Variants in SPNS3 observed in about 807,000 individuals in gnomAD.
SPNS3 encodes SPNS lysolipid transporter 3, sphingosine-1-phosphate (putative).
Under a neutral mutation model 54.4 loss-of-function variants are expected in SPNS3, and 51 were observed. The ratio of observed to expected loss-of-function variants is 0.94; its 90% confidence interval spans 0.75 to 1.18. SPNS3 has a LOEUF of 1.18. Ranked by LOEUF, SPNS3 falls within the 50% of genes most tolerant of loss-of-function variation. The pLI, the probability that SPNS3 is intolerant of heterozygous loss-of-function variation, is 0.00. For synonymous variants in SPNS3, 309 were observed against 294.7 expected (o/e 1.05, Z -0.50); for missense variants, 669 against 677.4 (o/e 0.99, Z 0.14).
chr17:4,475,098 G>A (rs1406521999), intron 8 of SPNS3, among the ~76,000 whole-genome samples: 1 of 151,498 alleles, frequency 6.6e-6, no homozygotes, highest in Non-Finnish European at 1.5e-5. Context: ...TCTGTGGCCG[G>A]GGATGACTAA....
At chr17:4,467,025 G>A (rs1490858328) in intron 8 of SPNS3, among the ~76,000 whole-genome samples, 1 of 152,054 alleles carries the variant, frequency 6.6e-6, no homozygotes, top group Non-Finnish European at 1.5e-5. Flanking sequence ...GGGGTGGAGC[G>A]GGGAAGCGCA....
At chr17:4,458,069 G>A (rs539937693) in intron 8 of SPNS3, among the ~76,000 whole-genome samples, 16 of 151,918 alleles carry the variant, frequency 1.1e-4, no homozygotes, top group African/African-American at 3.4e-4. Context: ...TCTGACCTGA[G>A]ATTCAGGCTC....
At chr17:4,443,854 A>C (rs1161096540) in intron 2 of SPNS3, among the ~76,000 whole-genome samples, 3 of 152,256 alleles carry the variant, frequency 2.0e-5, no homozygotes, top group Non-Finnish European at 4.4e-5. Context: ...TAACCCCAGC[A>C]CTTTAGGAGG....
At chr17:4,464,872 G>A (rs1287895704) in intron 8 of SPNS3, among the ~76,000 whole-genome samples, 1 of 151,900 alleles carries the variant, frequency 6.6e-6, no homozygotes, top group East Asian at 1.9e-4. Flanking sequence ...GTAGAGATGG[G>A]GTTTCACCAT....
intron 8 of SPNS3, among the ~76,000 whole-genome samples, chr17:4,459,924 G>A (rs1567564707): frequency 6.6e-6 from 1 of 152,146 alleles, no homozygotes; most frequent in African/African-American, 2.4e-5. Context: ...GAAATAGGGA[G>A]AGTGTGAGTA....
In SPNS3 at chr17:4,448,242, GA is replaced by G; in HGVS notation, c.710del (p.Glu237GlyfsTer31). On this transcript the variant is annotated frameshift_variant, in exon 6 of 12. Transcript: ENST00000355530. LOFTEE classifies it high-confidence loss of function. ...CCGGGGAGCTGCCGAGACACAGGGGGAGGGGGCCGTGGGAGGCTTCAGGAGC... is the reference window on the plus strand; with the variant it reads ...CCGGGGAGCTGCCGAGACACAGGGGGGGGGGCCGTGGGAGGCTTCAGGAGC... ...PPRGAAETQG[E>X]GAVGGFRSSW... is the part of the protein sequence containing the mutation. 1 of 1,600,844 alleles carries G rather than the reference GA, an allele frequency of 6.2e-7. No homozygotes were observed. Among genetic ancestry groups the G allele is most frequent in the Admixed American group, 1.8e-5 (1 of 56,930 alleles).
At chr17:4,463,403 A>AC (rs1343381952) in intron 8 of SPNS3, among the ~76,000 whole-genome samples, 5 of 136,846 alleles carry the variant, frequency 3.7e-5, no homozygotes, top group African/African-American at 9.4e-5. Flanking sequence ...TCTCAAAAAA[A>AC]AAAAAAAACA....
At chr17:4,468,757 CTTTCTCTCTTTCTT>C (rs1265144020) in intron 8 of SPNS3, among the ~76,000 whole-genome samples, 1 of 140,342 alleles carries the variant, frequency 7.1e-6, no homozygotes, top group African/African-American at 2.9e-5. Flanking sequence ...TTCTTTCTTT[CTTTCTCTCTTTCTT>C]TTTCTTTCTT....
rs1413694695 is a variant in SPNS3, at chr17:4,458,588, C to CCTTCCTTTCTTTCTTTCTTT, written c.1113+5386_1113+5387insCCTTTCTTTCTTTCTTTCTT. ...TCCCTCCTTTCTTTCTTCCTTCCCT[C>CCTTCCTTTCTTTCTTTCTTT]CTTTCTTTCTTTCTTTCTTTCTTTC... On this transcript the variant is annotated intron_variant, in intron 8 of 11. Coordinates refer to ENST00000355530, the MANE Select transcript of SPNS3 (RefSeq NM_182538.5). Among the ~76,000 whole-genome samples, 244 of 59,310 alleles carry CCTTCCTTTCTTTCTTTCTTT rather than the reference C, an allele frequency of 4.1e-3. 11 individuals carry two copies. Among genetic ancestry groups the CCTTCCTTTCTTTCTTTCTTT allele is most frequent in the South Asian group, 5.4e-3 (8 of 1,474 alleles). The allele number at this position is 59,310 out of a possible 152,430, so 38.9% of individuals were successfully genotyped here. A position where few individuals can be genotyped will look rare whatever the true frequency, so the allele number is the denominator to read the frequency against.
intron 8 of SPNS3, among the ~76,000 whole-genome samples, chr17:4,469,476 G>A (rs1302044075): frequency 6.6e-5 from 10 of 152,080 alleles, no homozygotes; most frequent in African/African-American, 1.9e-4. Flanking sequence ...GAAATTAGCC[G>A]AGGGTGACGG....
intron 8 of SPNS3, among the ~76,000 whole-genome samples, chr17:4,456,493 T>C (rs1371626601): frequency 2.0e-5 from 3 of 152,192 alleles, no homozygotes; most frequent in Admixed American, 2.0e-4. Flanking sequence ...CGACTGACAC[T>C]TTTGTGGGGA....
intron 8 of SPNS3, among the ~76,000 whole-genome samples, chr17:4,467,385 G>T (rs1971707033): frequency 1.3e-5 from 2 of 152,078 alleles, no homozygotes; most frequent in Admixed American, 1.3e-4. Context: ...TGGCTGGATG[G>T]TTCCTCTGCT....
rs550433736 is a variant in SPNS3 at position 4,483,031 on chromosome 17, G to A, written c.1180-3197G>A. Reference sequence around the variant, plus strand: ...TCAGCAGACGTCCCCACAGTTCCCCGGAGAGTTGTCACCTCTGCGTTCTCC... The same window carrying A: ...TCAGCAGACGTCCCCACAGTTCCCCAGAGAGTTGTCACCTCTGCGTTCTCC... On this transcript the variant is annotated intron_variant, in intron 9 of 11. Transcript: ENST00000355530. This position sits in a 1 kb window ranked among gnomAD's most constrained non-coding sequence, Gnocchi z 4.2. Among the ~76,000 whole-genome samples the A allele has an allele frequency of 8.2e-4, 125 of 152,222 alleles. No individual in the cohort carries two copies. The highest frequency in any genetic ancestry group is 2.1e-3 in the South Asian group (10 of 4,820).
At chr17:4,436,514 AGGAGGATTGCTTGAGGCTGAAGCG>A (rs539600305) in intron 1 of SPNS3, among the ~76,000 whole-genome samples, 24,317 of 150,156 alleles carry the variant, frequency 0.16, 2,293 homozygotes, top group Non-Finnish European at 0.22. Context: ...AGGCTGAAGC[AGGAGGATTGCTTGAGGCTGAAGCG>A]GGAGGATTGC....
At chr17:4,448,893 TG>T (rs934841299) in intron 6 of SPNS3, among the ~76,000 whole-genome samples, 4 of 151,770 alleles carry the variant, frequency 2.6e-5, no homozygotes, top group African/African-American at 9.7e-5. Flanking sequence ...TGATGCTGGA[TG>T]GGGGCCTCCC....
chr17:4,457,893 G>A (rs543075757), intron 8 of SPNS3, among the ~76,000 whole-genome samples: 14 of 152,186 alleles, frequency 9.2e-5, no homozygotes, highest in South Asian at 6.2e-4. Context: ...GCAGAAAGGC[G>A]GGCAGGGCCA....
intron 8 of SPNS3, among the ~76,000 whole-genome samples, chr17:4,464,225 G>A (rs1387770661): frequency 6.6e-6 from 1 of 152,230 alleles, no homozygotes; most frequent in East Asian, 1.9e-4. Flanking sequence ...AGTCCTCTTG[G>A]CAAGGGAAGT....
At chr17:4,458,711 G>T (rs1971415365) in intron 8 of SPNS3, among the ~76,000 whole-genome samples, 2 of 143,256 alleles carry the variant, frequency 1.4e-5, no homozygotes, top group African/African-American at 2.6e-5. Flanking sequence ...TCCAGACAGG[G>T]TCTCCCTGTG....
At chr17:4,474,088 A>AT (rs751956403) in intron 8 of SPNS3, among the ~76,000 whole-genome samples, 38 of 152,226 alleles carry the variant, frequency 2.5e-4, no homozygotes, top group Non-Finnish European at 5.1e-4. Context: ...CTGCCAAGAT[A>AT]TAACAGGTGT....
Sources: gnomAD v4.1 joint callset for allele counts (sites outside exome capture counted in the v4.1 genomes callset) on GRCh38, gnomAD v4.1.1 for gene constraint, Gnocchi (gnomAD v3.1) non-coding constraint, MANE v1.5 for transcripts, NCBI Gene and HGNC (gene_info 2026-07-23, HGNC 2026-07-21) for gene names.